Variants in CPA6 observed in about 807,000 individuals in gnomAD.
CPA6 encodes carboxypeptidase B.
A neutral mutation model predicts 63.3 loss-of-function variants in CPA6; 58 were observed. That is an observed-to-expected ratio of 0.92 (90% confidence interval 0.74 to 1.14). CPA6 has a LOEUF of 1.14. Among genes scored for constraint, CPA6 ranks in the 50% most tolerant of loss-of-function variants. The pLI, the probability that CPA6 is intolerant of heterozygous loss-of-function variation, is 0.00. For synonymous variants in CPA6, 185 were observed against 179.0 expected, an observed-to-expected ratio of 1.03 and a Z score of -0.27; for missense variants, 565 against 526.6, an observed-to-expected ratio of 1.07 and a Z score of -0.71.
intron 1 of CPA6, among the ~76,000 whole-genome samples, chr8:67,718,425 C>T (rs890215): frequency 1.3e-5 from 2 of 152,206 alleles, no homozygotes; most frequent in East Asian, 1.9e-4. Flanking sequence ...ATGCCTGTTG[C>T]CTCATTCACC....
intron 1 of CPA6, among the ~76,000 whole-genome samples, chr8:67,702,676 T>A (rs1046802329): frequency 3.9e-5 from 6 of 152,054 alleles, no homozygotes; most frequent in Non-Finnish European, 8.8e-5. Context: ...AATACTTGAA[T>A]GGTAAGGGAA....
At chr8:67,451,750 C>T (rs1810561822) in intron 8 of CPA6, among the ~76,000 whole-genome samples, 1 of 152,142 alleles carries the variant, frequency 6.6e-6, no homozygotes, top group African/African-American at 2.4e-5. Flanking sequence ...TGAGGACACA[C>T]CATGGATATC....
intron 8 of CPA6, among the ~76,000 whole-genome samples, chr8:67,477,173 C>A (rs1387074292): frequency 6.6e-6 from 1 of 151,548 alleles, no homozygotes; most frequent in Non-Finnish European, 1.5e-5. Context: ...CACCTGTAGT[C>A]CCAGCTACTT....
intron 2 of CPA6, among the ~76,000 whole-genome samples, chr8:67,522,569 G>A (rs1173609357): frequency 1.3e-5 from 2 of 152,220 alleles, no homozygotes; most frequent in Non-Finnish European, 2.9e-5. Flanking sequence ...GAGGCGGTGG[G>A]AATGAGTGAG....
At chr8:67,585,935 G>A (rs1425354137) in intron 2 of CPA6, among the ~76,000 whole-genome samples, 2 of 147,132 alleles carry the variant, frequency 1.4e-5, no homozygotes, top group Non-Finnish European at 3.0e-5. Context: ...GAAGGCCTCA[G>A]TAAGTAATAT....
At chr8:67,610,934 A>T (rs912030384) in intron 2 of CPA6, among the ~76,000 whole-genome samples, 4 of 152,184 alleles carry the variant, frequency 2.6e-5, no homozygotes, top group Admixed American at 6.5e-5. Flanking sequence ...AACTATGAGG[A>T]TTACATTAAA....
chr8:67,524,613 C>CATTTTTTTTTTTTTTTTTTTTTTTT (rs1554670781), intron 2 of CPA6, among the ~76,000 whole-genome samples: 1 of 149,822 alleles, frequency 6.7e-6, no homozygotes, highest in Non-Finnish European at 1.5e-5. Flanking sequence ...TTTGAAAAAA[C>CATTTTTTTTTTTTTTTTTTTTTTTT]TTTTTTTGTT....
chr8:67,432,836 A>G (rs552041227), intron 9 of CPA6, among the ~76,000 whole-genome samples: 1 of 152,288 alleles, frequency 6.6e-6, no homozygotes, highest in East Asian at 1.9e-4. Flanking sequence ...ATTCTAGTGA[A>G]TTATCAAACC....
intron 2 of CPA6, among the ~76,000 whole-genome samples, chr8:67,531,408 T>A (rs894071584): frequency 6.6e-6 from 1 of 151,918 alleles, no homozygotes; most frequent in Non-Finnish European, 1.5e-5. Flanking sequence ...AATTAAATAA[T>A]GAAAAAATAT....
intron 1 of CPA6, among the ~76,000 whole-genome samples, chr8:67,664,472 C>A (rs1816184602): frequency 1.3e-5 from 2 of 152,170 alleles, no homozygotes; most frequent in Non-Finnish European, 2.9e-5. Context: ...CCAAATGTAG[C>A]AATACAGAGA....
At chr8:67,702,426 C>A (rs189660418) in intron 1 of CPA6, among the ~76,000 whole-genome samples, 3 of 152,174 alleles carry the variant, frequency 2.0e-5, no homozygotes, top group Non-Finnish European at 2.9e-5. Context: ...GGGCTCCCAC[C>A]CCCACCAGGA....
intron 9 of CPA6, among the ~76,000 whole-genome samples, chr8:67,431,280 C>A (rs1339429488): frequency 6.6e-6 from 1 of 151,964 alleles, no homozygotes; most frequent in African/African-American, 2.4e-5. Context: ...CACTCTGTTG[C>A]CCAGGCTGGA....
intron 1 of CPA6, among the ~76,000 whole-genome samples, chr8:67,744,717 C>A (rs1273151576): frequency 6.6e-6 from 1 of 152,188 alleles, no homozygotes; most frequent in African/African-American, 2.4e-5. Flanking sequence ...TTTTCCAGAT[C>A]TCTAAAGGGG....
chr8:67,624,981 G>T (rs934327731), intron 1 of CPA6, among the ~76,000 whole-genome samples: 6 of 152,104 alleles, frequency 3.9e-5, no homozygotes, highest in African/African-American at 1.4e-4. Flanking sequence ...AGGTGCTGCA[G>T]CCAGGGAGAT....
intron 1 of CPA6, among the ~76,000 whole-genome samples, chr8:67,628,322 C>A (rs991754452): frequency 1.3e-5 from 2 of 152,140 alleles, no homozygotes; most frequent in African/African-American, 4.8e-5. Flanking sequence ...GTATCTCTGT[C>A]CTCTAGGCAA....
chr8:67,590,715 T>C (rs1253232115), intron 2 of CPA6, among the ~76,000 whole-genome samples: 25 of 152,058 alleles, frequency 1.6e-4, no homozygotes, highest in Admixed American at 1.4e-3. Flanking sequence ...TCATATCCTT[T>C]GCCCACTTTT....
intron 1 of CPA6, among the ~76,000 whole-genome samples, chr8:67,716,398 A>G (rs550320124): frequency 6.6e-6 from 1 of 152,286 alleles, no homozygotes; most frequent in East Asian, 1.9e-4. Flanking sequence ...TGGTCTGGAA[A>G]GGCAGGGAAG....
At chr8:67,680,629 A>T (rs112580839) in intron 1 of CPA6, among the ~76,000 whole-genome samples, 10 of 152,332 alleles carry the variant, frequency 6.6e-5, no homozygotes, top group African/African-American at 2.4e-4. Flanking sequence ...AGGTATTCAG[A>T]CATGCTCTGC....
At chr8:67,424,325 A>G (rs971141789) in intron 10 of CPA6, among the ~76,000 whole-genome samples, 63 of 152,314 alleles carry the variant, frequency 4.1e-4, no homozygotes, top group African/African-American at 1.1e-3. Flanking sequence ...CTGTCCGTGG[A>G]ATAACTGTCT....
Sources: allele counts gnomAD v4.1 joint callset (sites outside exome capture counted in the v4.1 genomes callset), GRCh38; gene constraint gnomAD v4.1.1; transcripts MANE v1.5; gene names NCBI Gene and HGNC (gene_info 2026-07-23, HGNC 2026-07-21).